PDE7B: variants seen among roughly 807,000 people sequenced by gnomAD.
The protein encoded by PDE7B is phosphodiesterase 7B.
Under a neutral mutation model 56.2 loss-of-function variants are expected in PDE7B, and 29 were observed. That is an observed-to-expected ratio of 0.52 (90% confidence interval 0.38 to 0.70). The LOEUF is 0.70. Ranked by LOEUF, PDE7B falls within the 30% of genes least tolerant of loss-of-function variation. The pLI, the probability that PDE7B is intolerant of heterozygous loss-of-function variation, is 0.00. For synonymous variants in PDE7B, 197 were observed against 196.9 expected (o/e 1.00, Z 0.00); for missense variants, 490 against 565.0 (o/e 0.87, Z 1.35).
intron 6 of PDE7B, among the ~76,000 whole-genome samples, chr6:136,152,650 G>T (rs79768805): frequency 0.069 from 10,562 of 152,260 alleles, 1,242 homozygotes; most frequent in African/African-American, 0.24. Context: ...TTATCTGCCA[G>T]TGAATTTTTC....
At chr6:136,134,636 T>C (rs564298627) in intron 3 of PDE7B, among the ~76,000 whole-genome samples, 6 of 149,500 alleles carry the variant, frequency 4.0e-5, no homozygotes, top group Non-Finnish European at 7.4e-5. Context: ...AAGCCTTTTT[T>C]CCCCTCCTTA....
intron 2 of PDE7B, among the ~76,000 whole-genome samples, chr6:136,053,835 T>C (rs1157972995): frequency 1.3e-5 from 2 of 152,284 alleles, no homozygotes; most frequent in East Asian, 1.9e-4. Flanking sequence ...TTTCATGTGT[T>C]TTTTGGCTGC....
intron 8 of PDE7B, among the ~76,000 whole-genome samples, chr6:136,156,395 C>T (rs1054659908): frequency 2.0e-5 from 3 of 152,102 alleles, no homozygotes; most frequent in Non-Finnish European, 4.4e-5. Context: ...CTATGTTGCC[C>T]AGGCTAGTCT....
intron 1 of PDE7B, among the ~76,000 whole-genome samples, chr6:135,932,527 A>C (rs1359598367): frequency 6.6e-6 from 1 of 152,206 alleles, no homozygotes; most frequent in East Asian, 1.9e-4. Context: ...CATATGGAGA[A>C]GGGGAGGCAA....
chr6:136,185,356 G>T (rs1051892897), intron 11 of PDE7B, among the ~76,000 whole-genome samples: 1 of 152,112 alleles, frequency 6.6e-6, no homozygotes, highest in East Asian at 1.9e-4. Context: ...TTTACTAGTG[G>T]TGTGACCTAC....
intron 2 of PDE7B, among the ~76,000 whole-genome samples, chr6:136,040,519 A>C (rs1776396371): frequency 6.6e-6 from 1 of 152,108 alleles, no homozygotes; most frequent in Non-Finnish European, 1.5e-5. Context: ...CATCATTTTC[A>C]CCACAGCAGC....
At chr6:135,978,712 G>A (rs1489802149) in intron 2 of PDE7B, among the ~76,000 whole-genome samples, 1 of 151,466 alleles carries the variant, frequency 6.6e-6, no homozygotes, top group Non-Finnish European at 1.5e-5. Context: ...GTTAAAAACC[G>A]AGACACATTG....
intron 1 of PDE7B, among the ~76,000 whole-genome samples, chr6:135,933,151 C>T (rs1325649177): frequency 6.6e-6 from 1 of 152,180 alleles, no homozygotes; most frequent in East Asian, 1.9e-4. Flanking sequence ...TGTTACTAGA[C>T]TCCACACAAG....
At chr6:136,036,017 A>T (rs1327948556) in intron 2 of PDE7B, among the ~76,000 whole-genome samples, 2 of 152,228 alleles carry the variant, frequency 1.3e-5, no homozygotes, top group Non-Finnish European at 2.9e-5. Context: ...GAAACTCTTC[A>T]GTTGTTATGT....
chr6:135,905,358 G>A (rs1415365443), intron 1 of PDE7B, among the ~76,000 whole-genome samples: 1 of 145,608 alleles, frequency 6.9e-6, no homozygotes, highest in East Asian at 1.9e-4. Context: ...ATGTGTGTGT[G>A]TGTGTGTGTG....
chr6:136,149,509 AC>A (rs1412460796), intron 5 of PDE7B, among the ~76,000 whole-genome samples: 1 of 152,186 alleles, frequency 6.6e-6, no homozygotes, highest in East Asian at 1.9e-4. Context: ...ATCAGCCCTG[AC>A]TTTTACAGGG....
chr6:135,866,872 C>T (rs532402803), intron 1 of PDE7B, among the ~76,000 whole-genome samples: 46 of 152,234 alleles, frequency 3.0e-4, no homozygotes, highest in African/African-American at 9.4e-4. Flanking sequence ...ATAATATAAA[C>T]CCTAGAGTAA....
intron 8 of PDE7B, chr6:136,156,032 T>G (rs1778597371): frequency 2.0e-6 from 1 of 503,120 alleles, no homozygotes; most frequent in African/African-American, 1.9e-5. Flanking sequence ...AGTAAATACT[T>G]GTGCTGTTCT....
chr6:136,175,866 C>G (rs1424856154), intron 9 of PDE7B, among the ~76,000 whole-genome samples: 1 of 152,054 alleles, frequency 6.6e-6, no homozygotes, highest in Admixed American at 6.5e-5. Flanking sequence ...TTCTAAAAGG[C>G]TGTATCTACC....
At chr6:135,989,221 A>T (rs1775431954) in intron 2 of PDE7B, among the ~76,000 whole-genome samples, 1 of 152,252 alleles carries the variant, frequency 6.6e-6, no homozygotes, top group Non-Finnish European at 1.5e-5. Flanking sequence ...TAAACTTACT[A>T]GAAAATGAGA....
At chr6:136,048,601 T>C (rs570887133) in intron 2 of PDE7B, among the ~76,000 whole-genome samples, 5 of 152,212 alleles carry the variant, frequency 3.3e-5, no homozygotes, top group African/African-American at 1.2e-4. Context: ...CAGGTTGCCA[T>C]TGGCCTCATC....
chr6:136,164,885 G>A (rs1194256148), intron 8 of PDE7B, among the ~76,000 whole-genome samples: 2 of 151,850 alleles, frequency 1.3e-5, no homozygotes, highest in African/African-American at 4.8e-5. Flanking sequence ...TGCTGAATGG[G>A]CATTAAATGC....
At chr6:136,158,861 T>C (rs1778656780) in intron 8 of PDE7B, among the ~76,000 whole-genome samples, 1 of 152,158 alleles carries the variant, frequency 6.6e-6, no homozygotes, top group Admixed American at 6.5e-5. Flanking sequence ...ACCCCACACA[T>C]ACAAATTTAA....
intron 1 of PDE7B, among the ~76,000 whole-genome samples, chr6:135,910,974 A>C (rs528049077): frequency 1.3e-5 from 2 of 152,226 alleles, no homozygotes. Flanking sequence ...ACTAAGAAGG[A>C]GTTTAAAAAA....
Sources: allele counts gnomAD v4.1 joint callset (sites outside exome capture counted in the v4.1 genomes callset), GRCh38; gene constraint gnomAD v4.1.1; transcripts MANE v1.5; gene names NCBI Gene and HGNC (gene_info 2026-07-23, HGNC 2026-07-21).